Variants in PGPEP1 observed in about 807,000 individuals in gnomAD.
The protein encoded by PGPEP1 is pyroglutamyl-peptidase 1.
In PGPEP1, 15 loss-of-function variants were observed where a neutral mutation model predicts 24.1. That is an observed-to-expected ratio of 0.62 (90% confidence interval 0.42 to 0.96). The LOEUF is 0.96. Ranked by LOEUF, PGPEP1 falls within the 40% of genes least tolerant of loss-of-function variation. The pLI is 0.00. For synonymous variants in PGPEP1, 122 were observed against 116.4 expected (o/e 1.05, Z -0.31); for missense variants, 242 against 273.4 (o/e 0.89, Z 0.81).
chr19:18,352,266 C>CAAAAAAAA lies in PGPEP1; in HGVS notation c.88-3615_88-3608dup, dbSNP rs60299417. Among the ~76,000 whole-genome samples the CAAAAAAAA allele has an allele frequency of 3.7e-4, 16 of 43,656 alleles. 2 individuals are homozygous for CAAAAAAAA. The highest frequency in any genetic ancestry group is 1.4e-3 in the Admixed American group (4 of 2,770). 28.6% of individuals were successfully genotyped at this position (43,656 alleles called of 152,430 possible). A position where few individuals can be genotyped will look rare whatever the true frequency, so the allele number is the denominator to read the frequency against. On this transcript the variant is annotated intron_variant, in intron 2 of 4. Transcript: ENST00000269919. ...TGGGTGACAGAGCGAGACTCCGTCTCAAAAAAAAAAAAAAAAAAAAATTAG... is the reference window on the plus strand; with the variant it reads ...TGGGTGACAGAGCGAGACTCCGTCTCAAAAAAAAAAAAAAAAAAAAAAAAAAAAATTAG...
At chr19:18,353,072 C>CA (rs1216642507) in intron 2 of PGPEP1, among the ~76,000 whole-genome samples, 1 of 151,892 alleles carries the variant, frequency 6.6e-6, no homozygotes, top group African/African-American at 2.4e-5. Context: ...CACCTGCCAC[C>CA]ATGCCCGGCT....
Position 18,363,741 on chromosome 19 carries a change from C to A in PGPEP1, c.*158C>A. On this transcript the variant is annotated 3_prime_UTR_variant, in exon 5 of 5. Coordinates refer to ENST00000269919, the MANE Select transcript of PGPEP1 (RefSeq NM_017712.4). ...CCCACCTCCTCTTCCTCCTTCTCTA[C>A]AAAAGCTCCGGTTGATTCGAGGGAA... is the stretch of plus-strand genomic sequence containing the variant. The A allele has an allele frequency of 1.9e-6, 1 of 538,906 alleles. No individual in the cohort carries two copies. The highest frequency in any genetic ancestry group is 3.2e-6 in the Non-Finnish European group (1 of 313,612). The allele number at this position is 538,906 out of a possible 1,614,324, so 33.4% of individuals were successfully genotyped here.
chr19:18,344,200 C>T (rs1275968607), intron 2 of PGPEP1, among the ~76,000 whole-genome samples: 1 of 151,896 alleles, frequency 6.6e-6, no homozygotes, highest in Non-Finnish European at 1.5e-5. Context: ...GTCATCTCCT[C>T]GCAGCTGGGG....
chr19:18,355,759 GAACTAAATC>G, intron 2 of PGPEP1, 127 bp from the exon 3 acceptor site: 1 of 619,854 alleles, frequency 1.6e-6, no homozygotes. Flanking sequence ...GAGGGGCTTT[GAACTAAATC>G]AACACACACC....
rs989816730 is a variant in PGPEP1 at position 18,365,610 on chromosome 19, C to T, written c.*2027C>T. On this transcript the variant is annotated 3_prime_UTR_variant, in exon 5 of 5. Transcript: ENST00000269919. ...CCTCCTTTCTCGGCCTCCCAAAGTG[C>T]TGGGATTACAGGCATGAGCCACTGC... 6.6e-6 allele frequency: 1 copy of T among 152,300 alleles called. No homozygotes were observed. Among genetic ancestry groups the T allele is most frequent in the Non-Finnish European group, 1.5e-5 (1 of 68,142 alleles). The allele number at this position is 152,300 out of a possible 1,614,324, so 9.4% of individuals were successfully genotyped here.
chr19:18,340,967 C>T (rs1970655531), intron 1 of PGPEP1, among the ~76,000 whole-genome samples: 1 of 152,162 alleles, frequency 6.6e-6, no homozygotes, highest in Non-Finnish European at 1.5e-5. Context: ...CGGCGCTGCG[C>T]AGGCCCCCCT....
intron 2 of PGPEP1, among the ~76,000 whole-genome samples, chr19:18,349,836 G>A (rs953421730): frequency 6.6e-6 from 1 of 151,974 alleles, no homozygotes; most frequent in African/African-American, 2.4e-5. Flanking sequence ...ATGAAATCCA[G>A]TTTATCAATT....
rs540408421 is a variant in PGPEP1 at position 18,366,009 on chromosome 19, A to G, written c.*2426A>G. 54 of 152,150 alleles carry G rather than the reference A, an allele frequency of 3.5e-4. No homozygotes were observed. The highest frequency in any genetic ancestry group is 1.3e-3 in the African/African-American group (52 of 41,490). 9.4% of individuals were successfully genotyped at this position (152,150 alleles called of 1,614,324 possible). ...TCCAGAGTGTGGGAGACATCACTGC[A>G]TCTGTCCCCCCAGCTTCTGTGAAGG... On this transcript the variant is annotated 3_prime_UTR_variant, in exon 5 of 5. Coordinates refer to ENST00000269919, the MANE Select transcript of PGPEP1 (RefSeq NM_017712.4).
intron 4 of PGPEP1, chr19:18,357,997 G>T (rs1971236214): frequency 3.9e-6 from 1 of 257,150 alleles, no homozygotes; most frequent in Non-Finnish European, 7.7e-6. Flanking sequence ...GAAATGTATT[G>T]TCTAACAGCC....
Position 18,365,614 on chromosome 19 carries a change from G to C in PGPEP1, c.*2031G>C, listed in dbSNP as rs910259245. 1 of 152,282 alleles carries C rather than the reference G, an allele frequency of 6.6e-6. No homozygotes were observed. Among genetic ancestry groups the C allele is most frequent in the Non-Finnish European group, 1.5e-5 (1 of 68,130 alleles). 9.4% of individuals were successfully genotyped at this position (152,282 alleles called of 1,614,324 possible). A position where few individuals can be genotyped will look rare whatever the true frequency, so the allele number is the denominator to read the frequency against. ...CTTTCTCGGCCTCCCAAAGTGCTGG[G>C]ATTACAGGCATGAGCCACTGCACCC... On this transcript the variant is annotated 3_prime_UTR_variant, in exon 5 of 5. Coordinates refer to ENST00000269919, the MANE Select transcript of PGPEP1 (RefSeq NM_017712.4).
In PGPEP1 at chr19:18,351,485, G is replaced by A. The variant is rs146153401; in HGVS notation, c.88-4410G>A. 7.7e-3 allele frequency among the ~76,000 whole-genome samples: 1,165 copies of A among 151,110 alleles called. 16 individuals carry two copies. Among genetic ancestry groups the A allele is most frequent in the African/African-American group, 0.027 (1,123 of 41,140 alleles). The stretch of plus-strand genomic sequence containing the variant: ...ACTAAAAGTACAAAATTAGCCAGGC[G>A]TAGTGGTGCATGCCTGTAATCCCAG... On this transcript the variant is annotated intron_variant, in intron 2 of 4. Transcript: ENST00000269919.
intron 1 of PGPEP1, among the ~76,000 whole-genome samples, chr19:18,341,001 G>T (rs370445467): frequency 7.6e-4 from 115 of 152,246 alleles, no homozygotes; most frequent in African/African-American, 2.5e-3. Context: ...CCCAAGGTGG[G>T]GATGGTGACC....
intron 2 of PGPEP1, among the ~76,000 whole-genome samples, chr19:18,347,868 G>A (rs377035140): frequency 8.1e-4 from 124 of 152,162 alleles, no homozygotes; most frequent in African/African-American, 2.7e-3. Flanking sequence ...TCCTGACCTC[G>A]TGATCCGCCT....
intron 4 of PGPEP1, among the ~76,000 whole-genome samples, chr19:18,359,627 C>A (rs958769067): frequency 6.6e-6 from 1 of 152,098 alleles, no homozygotes; most frequent in African/African-American, 2.4e-5. Flanking sequence ...CCTGCCTCAG[C>A]CTCCCAAGTA....
chr19:18,363,715 G>A lies in PGPEP1; in HGVS notation c.*132G>A, dbSNP rs989408275. On this transcript the variant is annotated 3_prime_UTR_variant, in exon 5 of 5. Transcript: ENST00000269919. Reference sequence around the variant, plus strand: ...CGATCTGGAAGAGAGATTCTGATCTGCCCACCTCCTCTTCCTCCTTCTCTA... The same window carrying A: ...CGATCTGGAAGAGAGATTCTGATCTACCCACCTCCTCTTCCTCCTTCTCTA... 1 of 602,756 alleles carries A rather than the reference G, an allele frequency of 1.7e-6. No homozygotes were observed. The highest frequency in any genetic ancestry group is 2.8e-6 in the Non-Finnish European group (1 of 353,442). 37.3% of individuals were successfully genotyped at this position (602,756 alleles called of 1,614,324 possible).
chr19:18,363,283 TG>T, intron 4 of PGPEP1, 107 bp from the exon 5 acceptor site: 1 of 809,478 alleles, frequency 1.2e-6, no homozygotes, highest in Non-Finnish European at 2.0e-6. Context: ...TGTGGGTTGC[TG>T]GTAAGGTCTT....
chr19:18,343,041 C>G, intron 2 of PGPEP1, 130 bp downstream of exon 2: 1 of 685,532 alleles, frequency 1.5e-6, no homozygotes. Flanking sequence ...ACTCTGTCAC[C>G]CAGGCTGGAA....
chr19:18,352,437 A>G (rs1208744563), intron 2 of PGPEP1, among the ~76,000 whole-genome samples: 3 of 151,880 alleles, frequency 2.0e-5, no homozygotes. Flanking sequence ...TCTCAAAAAA[A>G]AAAAAGAAAG....
intron 2 of PGPEP1, among the ~76,000 whole-genome samples, chr19:18,352,287 A>AAAAAAAAAAAAAAAC (rs1568312895): frequency 6.7e-6 from 1 of 148,854 alleles, no homozygotes; most frequent in Admixed American, 6.7e-5. Flanking sequence ...AAAAAAAAAA[A>AAAAAAAAAAAAAAAC]TTAGTTGGGT....
Sources: gnomAD v4.1 joint callset for allele counts (sites outside exome capture counted in the v4.1 genomes callset) on GRCh38, gnomAD v4.1.1 for gene constraint, MANE v1.5 for transcripts, NCBI Gene and HGNC (gene_info 2026-07-23, HGNC 2026-07-21) for gene names.